The following ADGRV1 variants were observed in gnomAD, a reference collection of about 807,000 sequenced individuals.
The protein encoded by ADGRV1 is G-protein coupled receptor 98.
Under a neutral mutation model 596.2 loss-of-function variants are expected in ADGRV1, and 359 were observed. The ratio of observed to expected loss-of-function variants is 0.60; its 90% confidence interval spans 0.55 to 0.66. The LOEUF is 0.66. ADGRV1 is among the 30% of genes least tolerant of loss of function. ADGRV1 has a pLI of 0.00. For synonymous variants in ADGRV1, 2,681 were observed against 2,679.2 expected (o/e 1.00, Z -0.02); for missense variants, 7,274 against 7,575.6 (o/e 0.96, Z 1.48).
intron 42 of ADGRV1, among the ~76,000 whole-genome samples, chr5:90,713,230 A>G (rs1449132422): frequency 6.6e-6 from 1 of 152,010 alleles, no homozygotes; most frequent in Non-Finnish European, 1.5e-5. Flanking sequence ...TTATGGAGAA[A>G]TTTGATTTGT....
chr5:90,567,940 T>C (rs1006950525), intron 1 of ADGRV1, among the ~76,000 whole-genome samples: 16 of 152,100 alleles, frequency 1.1e-4, no homozygotes, highest in African/African-American at 3.6e-4. Context: ...AGTTTCACCA[T>C]GTTGGCCAGC....
chr5:90,827,395 TG>T (rs1764157053), intron 76 of ADGRV1, among the ~76,000 whole-genome samples: 1 of 152,232 alleles, frequency 6.6e-6, no homozygotes, highest in Non-Finnish European at 1.5e-5. Flanking sequence ...TCTAATGATA[TG>T]TAGGCACCCA....
chr5:90,969,831 A>G (rs770158856), intron 84 of ADGRV1, among the ~76,000 whole-genome samples: 87 of 152,152 alleles, frequency 5.7e-4, no homozygotes, highest in Middle Eastern at 3.2e-3. Flanking sequence ...TGCATTTCCA[A>G]CTGAGGTACT....
intron 28 of ADGRV1, among the ~76,000 whole-genome samples, chr5:90,685,111 C>T (rs968796070): frequency 3.3e-5 from 5 of 152,056 alleles, no homozygotes; most frequent in African/African-American, 9.7e-5. Context: ...CTTTTCAACA[C>T]ATATTAAAAT....
At chr5:90,963,146 T>C (rs574397825) in intron 83 of ADGRV1, among the ~76,000 whole-genome samples, 52 of 152,302 alleles carry the variant, frequency 3.4e-4, no homozygotes, top group African/African-American at 1.2e-3. Flanking sequence ...GGCTTGAATT[T>C]ATTGTATGTA....
In ADGRV1 at chr5:90,690,031, G is replaced by C; in HGVS notation, c.6661G>C (p.Ala2221Pro). The change falls in exon 30 of 90, where the codon GCA becomes CCA. Residue 2221 changes from alanine (A) to proline (P), a missense_variant. By Grantham distance (27) the Ala-to-Pro change is conservative. This residue lies in a region of ADGRV1 where 3,643 missense variants were observed against 3,809.2 expected (regional missense o/e 0.96). Coordinates refer to ENST00000405460, the MANE Select transcript of ADGRV1 (RefSeq NM_032119.4). ...GGARLGALTEAVIIIEASDDP... is the reference protein window; with the variant it reads ...GGARLGALTEPVIIIEASDDP... Reference sequence around the variant, plus strand: ...AGCCAGACTAGGGGCTTTAACAGAGGCAGTCATTATTATTGAGGCCTCTGA... The same window carrying C: ...AGCCAGACTAGGGGCTTTAACAGAGCCAGTCATTATTATTGAGGCCTCTGA... 1 of 1,593,448 alleles carries C rather than the reference G, an allele frequency of 6.3e-7. No individual in the cohort carries two copies. The highest frequency in any genetic ancestry group is 8.6e-7 in the Non-Finnish European group (1 of 1,168,836).
intron 87 of ADGRV1, among the ~76,000 whole-genome samples, chr5:91,115,455 A>C (rs1792768355): frequency 6.6e-6 from 1 of 152,236 alleles, no homozygotes; most frequent in Non-Finnish European, 1.5e-5. Context: ...ATGATGAGGA[A>C]GCCTGTGCAT....
At chr5:91,135,499 A>C (rs1201452824) in intron 87 of ADGRV1, among the ~76,000 whole-genome samples, 3 of 152,212 alleles carry the variant, frequency 2.0e-5, no homozygotes, top group African/African-American at 7.2e-5. Context: ...ATCCCAATTT[A>C]AGTATTTCAA....
chr5:90,698,291 CAG>C (rs1469961707), intron 34 of ADGRV1, among the ~76,000 whole-genome samples: 3 of 152,152 alleles, frequency 2.0e-5, no homozygotes, highest in Non-Finnish European at 4.4e-5. Context: ...TTCTGTGTGG[CAG>C]ACACTCCACC....
At chr5:90,652,630 C>A in intron 19 of ADGRV1, 67 bp downstream of exon 19, 1 of 1,030,164 alleles carries the variant, frequency 9.7e-7, no homozygotes, top group South Asian at 1.8e-5. Context: ...ACATTTTATA[C>A]TTAGATAATT....
chr5:90,853,302 T>C lies in ADGRV1; in HGVS notation c.17223T>C (p.Asp5741=). The change falls in exon 80 of 90, where the codon GAT becomes GAC. Residue 5741 remains aspartate (D), a synonymous_variant. Coordinates refer to ENST00000405460, the MANE Select transcript of ADGRV1 (RefSeq NM_032119.4). ...SPGEKSKTIL[D]SCPYLSILAL... ...GTTGTAGAAGCAAAACCATCCTTGA[T>C]AGTTGCCCATATTTGTCAATATTGG... 6.2e-7 allele frequency: 1 copy of C among 1,609,424 alleles called. No homozygotes were observed. The highest frequency in any genetic ancestry group is 1.1e-5 in the South Asian group (1 of 90,450).
At chr5:91,162,532 A>G (rs992306471) in intron 89 of ADGRV1, among the ~76,000 whole-genome samples, 10 of 152,330 alleles carry the variant, frequency 6.6e-5, no homozygotes, top group South Asian at 4.1e-4. Context: ...GAGACAGGGC[A>G]GAAAACAAGG....
intron 3 of ADGRV1, 77 bp from the exon 4 acceptor site, chr5:90,619,009 C>A: frequency 1.5e-6 from 1 of 666,710 alleles, no homozygotes; most frequent in Non-Finnish European, 2.4e-6. Context: ...TACTTGAAGA[C>A]AAATTCTACA....
At chr5:90,792,345 C>G (rs1460058093) in intron 70 of ADGRV1, 7 of 152,134 alleles carry the variant, frequency 4.6e-5, no homozygotes, top group Admixed American at 1.3e-4. Flanking sequence ...AGAAAATAGG[C>G]TATCATTTCC....
chr5:90,576,486 G>A (rs1010740856), intron 1 of ADGRV1, among the ~76,000 whole-genome samples: 9 of 152,078 alleles, frequency 5.9e-5, no homozygotes, highest in African/African-American at 2.2e-4. Flanking sequence ...GTGTATATGT[G>A]CCACATTTTC....
At chr5:90,631,151 T>C (rs1188186739) in intron 9 of ADGRV1, among the ~76,000 whole-genome samples, 1 of 152,234 alleles carries the variant, frequency 6.6e-6, no homozygotes, top group Non-Finnish European at 1.5e-5. Flanking sequence ...TGAAAGGTAT[T>C]GTTGTTAAGC....
intron 4 of ADGRV1, among the ~76,000 whole-genome samples, chr5:90,622,064 G>A (rs1764154808): frequency 6.6e-6 from 1 of 152,124 alleles, no homozygotes; most frequent in Non-Finnish European, 1.5e-5. Flanking sequence ...CTTCTACCCT[G>A]AGTTTCCACC....
At chr5:91,136,979 TA>T (rs1347957947) in intron 87 of ADGRV1, among the ~76,000 whole-genome samples, 1 of 152,196 alleles carries the variant, frequency 6.6e-6, no homozygotes, top group African/African-American at 2.4e-5. Flanking sequence ...TATTATAGTC[TA>T]AGAAAAAGAA....
intron 67 of ADGRV1, among the ~76,000 whole-genome samples, chr5:90,786,272 G>T (rs1759438018): frequency 6.6e-6 from 1 of 152,130 alleles, no homozygotes; most frequent in Non-Finnish European, 1.5e-5. Context: ...CTAGGGGAGA[G>T]ATAACATTAG....
Sources: gnomAD v4.1 joint callset for allele counts (sites outside exome capture counted in the v4.1 genomes callset) on GRCh38, gnomAD v4.1.1 for gene constraint, gnomAD v4.1.1 regional missense constraint, MANE v1.5 for transcripts, NCBI Gene and HGNC (gene_info 2026-07-23, HGNC 2026-07-21) for gene names.